The following FAM83A variants were observed in gnomAD, a reference collection of about 807,000 sequenced individuals.
FAM83A encodes the protein protein FAM83A.
In FAM83A, 21 loss-of-function variants were observed where a neutral mutation model predicts 24.4. The observed-to-expected ratio is 0.86, with a 90% confidence interval of 0.61 to 1.24. FAM83A has a LOEUF of 1.24. Ranked by LOEUF, FAM83A falls within the 50% of genes most tolerant of loss-of-function variation. The probability of loss-of-function intolerance (pLI) is 0.00; values close to 1 mark genes in which losing one functional copy is unlikely to be tolerated. For synonymous variants in FAM83A, 270 were observed against 252.4 expected (o/e 1.07, Z -0.66); for missense variants, 617 against 579.8 (o/e 1.06, Z -0.66).
upstream of FAM83A, chr8:123,180,788 G>A (rs1242114791): frequency 6.6e-6 from 1 of 152,018 alleles, no homozygotes; most frequent in Non-Finnish European, 1.5e-5. Context: ...GGGAGAGAGG[G>A]TTTATTGGAT....
rs1824665971 is a variant in FAM83A at position 123,209,460 on chromosome 8, AAAAC to A, written c.*1779_*1782del. The A allele has an allele frequency of 6.2e-7, 1 of 1,614,216 alleles. No individual in the cohort carries two copies. The highest frequency in any genetic ancestry group is 1.1e-5 in the South Asian group (1 of 91,082). On this transcript the variant is annotated 3_prime_UTR_variant, in exon 4 of 4. Coordinates refer to ENST00000690554, the Ensembl canonical transcript of FAM83A. This position sits in a 1 kb window ranked among gnomAD's most constrained non-coding sequence, Gnocchi z 4.7. The stretch of plus-strand genomic sequence containing the variant: ...GTAAACAAAACAAAACAAAAACAAA[AAAAC>A]AAACAACACTTTGGTTCCTGATGGC...
chr8:123,207,127 T>C, intron 3 of FAM83A, 30 bp from the exon 4 acceptor site: 1 of 907,752 alleles, frequency 1.1e-6, no homozygotes. Flanking sequence ...CCCCTTCTCC[T>C]CCATCACTCT....
intron 1 of FAM83A, among the ~76,000 whole-genome samples, chr8:123,185,835 G>A (rs1377291852): frequency 6.6e-6 from 1 of 152,204 alleles, no homozygotes. Flanking sequence ...CTGTCGCCCA[G>A]GCTGGAGTGC....
chr8:123,187,275 A>G (rs890924846), intron 1 of FAM83A, among the ~76,000 whole-genome samples: 2 of 152,130 alleles, frequency 1.3e-5, no homozygotes, highest in Admixed American at 1.3e-4. Flanking sequence ...CGGTTCCCAA[A>G]GCATGGTGTG....
chr8:123,207,760 C>G (rs1230515324), exon 4 of FAM83A: 9 of 1,410,196 alleles, frequency 6.4e-6, no homozygotes, highest in Middle Eastern at 2.5e-4. Flanking sequence ...CCCACCTCAA[C>G]GACGAGTGGC....
At chr8:123,196,646 TACA>T (rs1449506406) in intron 3 of FAM83A, among the ~76,000 whole-genome samples, 3 of 152,360 alleles carry the variant, frequency 2.0e-5, no homozygotes, top group East Asian at 1.9e-4. Flanking sequence ...TCTTCCCAAA[TACA>T]ACAAGGACCT....
exon 1 of FAM83A, chr8:123,182,931 C>G (rs1563777822): frequency 1.3e-6 from 2 of 1,575,646 alleles, no homozygotes; most frequent in Non-Finnish European, 8.6e-7. Context: ...TCCGGCCAGC[C>G]AGGGCTGACT....
upstream of FAM83A, chr8:123,182,054 G>A (rs916771342): frequency 2.4e-5 from 11 of 456,274 alleles, no homozygotes; most frequent in African/African-American, 8.0e-5. Context: ...CCCTGGGCTC[G>A]TGGGCCGCCG....
intron 2 of FAM83A, 49 bp downstream of exon 2, chr8:123,192,019 G>C (rs1353681816): frequency 6.3e-7 from 1 of 1,591,882 alleles, no homozygotes; most frequent in Admixed American, 1.7e-5. Flanking sequence ...AGCCCAGATA[G>C]GATAGTCTAT....
intron 1 of FAM83A, among the ~76,000 whole-genome samples, chr8:123,184,802 CCTCTCTCT>C (rs1277794974): frequency 2.4e-3 from 370 of 152,216 alleles, no homozygotes; most frequent in African/African-American, 7.9e-3. Flanking sequence ...TCCCTCTCTC[CCTCTCTCT>C]CATTCAAATT....
chr8:123,200,064 C>G (rs1008293000), intron 3 of FAM83A: 4 of 152,794 alleles, frequency 2.6e-5, no homozygotes, highest in Non-Finnish European at 5.9e-5. Flanking sequence ...AAAATCTTCT[C>G]TCAGAAAACT....
intron 3 of FAM83A, among the ~76,000 whole-genome samples, chr8:123,196,456 G>T (rs1316908077): frequency 6.6e-6 from 1 of 152,148 alleles, no homozygotes; most frequent in East Asian, 1.9e-4. Flanking sequence ...TTTTGTGTTT[G>T]CAGTTGAATG....
Position 123,209,715 on chromosome 8 carries a change from GC to G in FAM83A, c.*2028del. On this transcript the variant is annotated 3_prime_UTR_variant, in exon 4 of 4. Coordinates refer to ENST00000690554, the Ensembl canonical transcript of FAM83A. This position sits in a 1 kb window ranked among gnomAD's most constrained non-coding sequence, Gnocchi z 4.7. ...CTGGGAGATAGGGGAGAACCTGCAGGCAGGAACAAGCCCCCCTACTCCTGAC... is the reference window on the plus strand; with the variant it reads ...CTGGGAGATAGGGGAGAACCTGCAGGAGGAACAAGCCCCCCTACTCCTGAC... 1.4e-6 allele frequency: 1 copy of G among 701,514 alleles called. No individual in the cohort carries two copies. The highest frequency in any genetic ancestry group is 2.7e-5 in the East Asian group (1 of 36,828). The allele number at this position is 701,514 out of a possible 1,614,324, so 43.5% of individuals were successfully genotyped here.
At chr8:123,207,640 G>A (rs1408635367) in exon 4 of FAM83A, 4 of 1,545,298 alleles carry the variant, frequency 2.6e-6, no homozygotes, top group Non-Finnish European at 3.5e-6. Context: ...TGGTGCCGAG[G>A]CTGACTCCAA....
intron 1 of FAM83A, among the ~76,000 whole-genome samples, chr8:123,186,339 G>C (rs904982628): frequency 6.6e-6 from 1 of 152,138 alleles, no homozygotes; most frequent in Non-Finnish European, 1.5e-5. Flanking sequence ...CTCAGCCTAG[G>C]CTGTCCTTGG....
At chr8:123,199,448 T>C (rs1335080992) in intron 3 of FAM83A, among the ~76,000 whole-genome samples, 1 of 151,916 alleles carries the variant, frequency 6.6e-6, no homozygotes, top group Non-Finnish European at 1.5e-5. Context: ...AAAAGAGCTA[T>C]CATTGACCAG....
At chr8:123,182,935 G>A (rs977384425) in exon 1 of FAM83A, 3 of 1,586,786 alleles carry the variant, frequency 1.9e-6, no homozygotes, top group Non-Finnish European at 2.6e-6. Flanking sequence ...GCCAGCCAGG[G>A]CTGACTTTAG....
exon 1 of FAM83A, chr8:123,182,952 C>G (rs751720139): frequency 1.2e-6 from 2 of 1,605,468 alleles, no homozygotes; most frequent in East Asian, 4.5e-5. Flanking sequence ...TTAGTGACAA[C>G]GAGAGTGCCC....
At chr8:123,192,022 T>C (rs111653212) in intron 2 of FAM83A, 52 bp downstream of exon 2, 31 of 1,582,850 alleles carry the variant, frequency 2.0e-5, no homozygotes, top group African/African-American at 1.5e-4. Context: ...CCAGATAGGA[T>C]AGTCTATGCA....
Sources: allele counts gnomAD v4.1 joint callset (sites outside exome capture counted in the v4.1 genomes callset), GRCh38; gene constraint gnomAD v4.1.1; non-coding constraint Gnocchi (gnomAD v3.1); transcripts MANE v1.5; gene names NCBI Gene and HGNC (gene_info 2026-07-23, HGNC 2026-07-21).